CDYL2: variants seen among roughly 807,000 people sequenced by gnomAD.
The protein encoded by CDYL2 is chromodomain Y-like protein 2.
A neutral mutation model predicts 49.4 loss-of-function variants in CDYL2; 23 were observed. The ratio of observed to expected loss-of-function variants is 0.47; its 90% confidence interval spans 0.34 to 0.66. The LOEUF (loss-of-function observed/expected upper bound fraction) is 0.66, where lower values mean the gene tolerates loss of function less well. Among genes scored for constraint, CDYL2 ranks in the 30% least tolerant of loss-of-function variants. The pLI, the probability that CDYL2 is intolerant of heterozygous loss-of-function variation, is 0.01. For missense variants in CDYL2, 678 were observed against 656.4 expected (o/e 1.03, Z -0.36); for synonymous variants, 360 against 268.8 (o/e 1.34, Z -3.32).
chr16:80,765,865 A>G (rs1316725781), intron 1 of CDYL2, among the ~76,000 whole-genome samples: 1 of 110,224 alleles, frequency 9.1e-6, no homozygotes, highest in African/African-American at 3.8e-5. Context: ...ACATTGCAAG[A>G]CCCTCATCTA....
chr16:80,787,645 T>C (rs1193016845), intron 1 of CDYL2, among the ~76,000 whole-genome samples: 1 of 152,170 alleles, frequency 6.6e-6, no homozygotes, highest in Non-Finnish European at 1.5e-5. Context: ...TTATCTCATA[T>C]CTCAGTTTTC....
intron 1 of CDYL2, among the ~76,000 whole-genome samples, chr16:80,712,215 A>ATATATATC (rs763194077): frequency 7.8e-6 from 1 of 128,374 alleles, no homozygotes; most frequent in East Asian, 2.1e-4. Context: ...ATATATATAT[A>ATATATATC]TCTCCAAACC....
rs1906623447 is a variant in CDYL2, at chr16:80,612,082, G to A, written c.1218+544C>T. Among the ~76,000 whole-genome samples the A allele has an allele frequency of 6.6e-6, 1 of 152,234 alleles. No individual in the cohort carries two copies. The highest frequency in any genetic ancestry group is 1.5e-5 in the Non-Finnish European group (1 of 68,040). ...GCTGCGTCTCCCGGCCTCCCTTGCAGGCGCATGTGACCAGAAGCTGAGTCA... is the reference window on the plus strand; with the variant it reads ...GCTGCGTCTCCCGGCCTCCCTTGCAAGCGCATGTGACCAGAAGCTGAGTCA... On this transcript the variant is annotated intron_variant, in intron 5 of 6. Coordinates refer to ENST00000570137, the MANE Select transcript of CDYL2 (RefSeq NM_152342.4). This position sits in a 1 kb window ranked among gnomAD's most constrained non-coding sequence, Gnocchi z 5.0.
chr16:80,672,529 AAAAGGAAAAGGAAAGG>A (rs1387992887), intron 2 of CDYL2, among the ~76,000 whole-genome samples: 15 of 116,908 alleles, frequency 1.3e-4, no homozygotes, highest in South Asian at 2.9e-4. Flanking sequence ...AAAGCAAAGG[AAAAGGAAAAGGAAAGG>A]AAAGGAAAGG....
Position 80,604,127 on chromosome 16 carries a change from G to T in CDYL2, c.*261C>A, listed in dbSNP as rs1271737361. ...AGTGGGGAAAGGACAGCGGTGCTTG[G>T]CGGAGCCCTGGGAAGATACAGCCTT... On this transcript the variant is annotated 3_prime_UTR_variant, in exon 7 of 7. Coordinates refer to ENST00000570137, the MANE Select transcript of CDYL2 (RefSeq NM_152342.4). 2.0e-6 allele frequency: 1 copy of T among 505,522 alleles called. No homozygotes were observed. Among genetic ancestry groups the T allele is most frequent in the Non-Finnish European group, 3.6e-6 (1 of 280,158 alleles). 31.3% of individuals were successfully genotyped at this position (505,522 alleles called of 1,614,324 possible).
chr16:80,798,421 C>T (rs1007501260), intron 1 of CDYL2, among the ~76,000 whole-genome samples: 1 of 151,900 alleles, frequency 6.6e-6, no homozygotes, highest in African/African-American at 2.4e-5. Flanking sequence ...CCCCTTCCTC[C>T]TCCTCCTCCT....
At chr16:80,681,314 A>C (rs534109249) in intron 2 of CDYL2, among the ~76,000 whole-genome samples, 2 of 152,204 alleles carry the variant, frequency 1.3e-5, no homozygotes, top group South Asian at 4.2e-4. Flanking sequence ...GGGCCCCTGG[A>C]GACTGGATCC....
At chr16:80,795,183 G>C (rs1019337853) in intron 1 of CDYL2, among the ~76,000 whole-genome samples, 1 of 152,180 alleles carries the variant, frequency 6.6e-6, no homozygotes, top group African/African-American at 2.4e-5. Flanking sequence ...GAGGGCAGTG[G>C]CCTCTCAATA....
intron 1 of CDYL2, among the ~76,000 whole-genome samples, chr16:80,713,357 G>A (rs548043296): frequency 5.3e-5 from 8 of 152,318 alleles, no homozygotes; most frequent in African/African-American, 1.9e-4. Context: ...ATTGTCACAT[G>A]CCATTTGTAG....
At chr16:80,751,834 C>A (rs372830590) in intron 1 of CDYL2, among the ~76,000 whole-genome samples, 1 of 152,112 alleles carries the variant, frequency 6.6e-6, no homozygotes, top group African/African-American at 2.4e-5. Context: ...GACTGAAAAC[C>A]GGCTTCCGTC....
At chr16:80,797,612 A>G (rs77323272) in intron 1 of CDYL2, among the ~76,000 whole-genome samples, 2,044 of 152,260 alleles carry the variant, frequency 0.013, 47 homozygotes, top group African/African-American at 0.046. Flanking sequence ...AACATATCAT[A>G]TCAATCAACC....
At chr16:80,799,581 C>A (rs1258923398) in intron 1 of CDYL2, among the ~76,000 whole-genome samples, 4 of 152,146 alleles carry the variant, frequency 2.6e-5, no homozygotes, top group Non-Finnish European at 5.9e-5. Context: ...TGCATGCCTC[C>A]AATACAAAGA....
rs866902124 is a variant in CDYL2, at chr16:80,620,866, C to T, written c.904G>A (p.Ala302Thr). 3.1e-6 allele frequency: 5 copies of T among 1,612,722 alleles called. No individual in the cohort carries two copies. The highest frequency in any genetic ancestry group is 2.2e-5 in the South Asian group (2 of 91,008). ...TDDSKLLLLS[A>T]VGSVFCSGLD... is the part of the protein sequence containing the mutation. ...CCGCTGCAGAACACGCTCCCCACTG[C>T]GCTGAGGAGCAGCAGTTTGCTGTCG... The change falls in exon 4 of 7, where the codon GCA becomes ACA. Residue 302 changes from alanine (A) to threonine (T), a missense_variant. By Grantham distance (58) the Ala-to-Thr change is moderately conservative. Transcript: ENST00000570137.
intron 2 of CDYL2, among the ~76,000 whole-genome samples, chr16:80,650,934 A>G (rs1442735054): frequency 1.5e-5 from 2 of 134,780 alleles, no homozygotes; most frequent in African/African-American, 2.7e-5. Context: ...TTGAGCTCAT[A>G]GAAATACAGA....
chr16:80,794,598 A>ATTTTTTTT (rs966789395), intron 1 of CDYL2, among the ~76,000 whole-genome samples: 4 of 66,830 alleles, frequency 6.0e-5, no homozygotes, highest in Non-Finnish European at 8.9e-5. Flanking sequence ...ATTCCCAGTG[A>ATTTTTTTT]TTTTTTTTTT....
At chr16:80,790,222 C>G (rs1164316834) in intron 1 of CDYL2, among the ~76,000 whole-genome samples, 1 of 152,208 alleles carries the variant, frequency 6.6e-6, no homozygotes, top group Non-Finnish European at 1.5e-5. Flanking sequence ...AATAACCTAA[C>G]AGGACTTACA....
At chr16:80,754,202 A>G (rs562056728) in intron 1 of CDYL2, among the ~76,000 whole-genome samples, 8 of 152,328 alleles carry the variant, frequency 5.3e-5, no homozygotes, top group African/African-American at 1.9e-4. Flanking sequence ...TTAGAGAGAC[A>G]AACTAATCAA....
intron 4 of CDYL2, among the ~76,000 whole-genome samples, chr16:80,614,758 G>A (rs1226307973): frequency 6.6e-6 from 1 of 151,834 alleles, no homozygotes; most frequent in Non-Finnish European, 1.5e-5. Flanking sequence ...CAGCTACTTG[G>A]GAGGCTGAGG....
chr16:80,626,748 G>A (rs1907322224), intron 3 of CDYL2, among the ~76,000 whole-genome samples: 3 of 152,204 alleles, frequency 2.0e-5, no homozygotes, highest in Non-Finnish European at 1.5e-5. Context: ...TCATCACGGT[G>A]TATGGAAGTT....
Sources: allele counts gnomAD v4.1 joint callset (sites outside exome capture counted in the v4.1 genomes callset), GRCh38; gene constraint gnomAD v4.1.1; non-coding constraint Gnocchi (gnomAD v3.1); transcripts MANE v1.5; gene names NCBI Gene and HGNC (gene_info 2026-07-23, HGNC 2026-07-21).